The following CDKL5 variants were observed in gnomAD, a reference collection of about 807,000 sequenced individuals.
The protein encoded by CDKL5 is cyclin-dependent kinase-like 5.
CDKL5 carries 8 observed loss-of-function variants against 61.7 expected under a neutral mutation model. The ratio of observed to expected loss-of-function variants is 0.13; its 90% CI spans 0.08 to 0.23. The LOEUF is 0.23. Ranked by LOEUF, CDKL5 falls within the 10% of genes least tolerant of loss-of-function variation. CDKL5 has a pLI of 1.00. For synonymous variants in CDKL5, 275 were observed against 272.3 expected (o/e 1.01, Z -0.10); for missense variants, 440 against 734.5 (o/e 0.60, Z 4.63).
At chrX:18,648,182 C>T (rs1022451748) in intron 20 of CDKL5, among the ~76,000 whole-genome samples, 2 of 110,840 alleles carry the variant, frequency 1.8e-5, no homozygotes, top group Admixed American at 9.5e-5. Context: ...GGCACAGTGT[C>T]GAGTTACCTG....
At chrX:18,596,761 T>G in intron 10 of CDKL5, among the ~76,000 whole-genome samples, 1 of 112,041 alleles carries the variant, frequency 8.9e-6, no homozygotes, top group African/African-American at 3.2e-5. Context: ...TCATCTTTCT[T>G]TAGTTAAAAA....
chrX:18,599,041 A>G (rs1425062948), intron 11 of CDKL5, among the ~76,000 whole-genome samples: 1 of 112,483 alleles, frequency 8.9e-6, no homozygotes, highest in Non-Finnish European at 1.9e-5. Context: ...ACTGGACCAA[A>G]TAGGTCTGGC....
chrX:18,497,526 ATGCTT>A (rs1166286913), intron 1 of CDKL5: 2 of 112,100 alleles, frequency 1.8e-5, no homozygotes, highest in African/African-American at 6.5e-5. Flanking sequence ...TGATACTGCA[ATGCTT>A]TGTCTTTGAT....
At chrX:18,478,679 CTT>C (rs750617832) in intron 1 of CDKL5, among the ~76,000 whole-genome samples, 78 of 92,180 alleles carry the variant, frequency 8.5e-4, no homozygotes, top group African/African-American at 3.0e-3. Flanking sequence ...TTGTTGCTTT[CTT>C]TTTTTTTTTT....
intron 3 of CDKL5, among the ~76,000 whole-genome samples, chrX:18,551,193 C>A (rs1924371649): frequency 9.0e-6 from 1 of 110,919 alleles, no homozygotes; most frequent in African/African-American, 3.3e-5. Context: ...ATAATATGAA[C>A]ATAGGGTAGT....
At chrX:18,437,849 C>T (rs767606433) in intron 1 of CDKL5, among the ~76,000 whole-genome samples, 6 of 111,944 alleles carry the variant, frequency 5.4e-5, no homozygotes, top group Non-Finnish European at 1.1e-4. Flanking sequence ...CTTTGCCATA[C>T]TAAGTTTGTG....
rs1927008811 is a variant in CDKL5, at chrX:18,625,334, G to A, written c.2496+87G>A. ...GGGAGGGCATGCTAGAGAAAACTTAGCCTCTCAATGTTACAGTAAGGCTGA... is the reference window on the plus strand; with the variant it reads ...GGGAGGGCATGCTAGAGAAAACTTAACCTCTCAATGTTACAGTAAGGCTGA... On this transcript the variant is annotated intron_variant, in intron 17 of 17. Transcript: ENST00000623535. 9 of 1,024,085 alleles carry A rather than the reference G, an allele frequency of 8.8e-6. 1 individual carries two copies. In the East Asian group the frequency reaches 9.1e-5, roughly 10 times the overall value. 84.4% of individuals were successfully genotyped at this position (1,024,085 alleles called of 1,213,427 possible). A position where few individuals can be genotyped will look rare whatever the true frequency, so the allele number is the denominator to read the frequency against.
At chrX:18,518,652 C>T (rs549935620) in intron 3 of CDKL5, among the ~76,000 whole-genome samples, 2 of 109,311 alleles carry the variant, frequency 1.8e-5, no homozygotes, top group East Asian at 2.9e-4. Context: ...GATCCACCCT[C>T]GGCCTCCCAG....
intron 3 of CDKL5, among the ~76,000 whole-genome samples, chrX:18,523,553 G>C (rs1923329010): frequency 9.0e-6 from 1 of 111,393 alleles, no homozygotes; most frequent in Non-Finnish European, 1.9e-5. Flanking sequence ...TGTATACAAC[G>C]AACAAAATGT....
At chrX:18,588,491 A>G (rs1208785174) in intron 9 of CDKL5, 16 of 165,406 alleles carry the variant, frequency 9.7e-5, no homozygotes, top group Non-Finnish European at 2.2e-5. Context: ...TGAATGTTGA[A>G]CAAACATATT....
At chrX:18,526,791 T>C (rs892274092) in intron 3 of CDKL5, among the ~76,000 whole-genome samples, 9 of 110,229 alleles carry the variant, frequency 8.2e-5, no homozygotes, top group African/African-American at 3.0e-4. Context: ...TTCTTTCTTT[T>C]TTTTTTTTTG....
chrX:18,446,598 G>A (rs76836104), intron 1 of CDKL5, among the ~76,000 whole-genome samples: 2,531 of 111,684 alleles, frequency 0.023, 70 homozygotes, highest in East Asian at 0.18. Flanking sequence ...CTTTGGGACT[G>A]TAATCAATAT....
In CDKL5 at chrX:18,458,767, C is replaced by T. The variant is rs1602202996; in HGVS notation, c.-163+33072C>T. On this transcript the variant is annotated intron_variant, in intron 1 of 17. Coordinates refer to ENST00000623535, the MANE Select transcript of CDKL5 (RefSeq NM_001323289.2). ...ATAAAGGTTCAGTTCCTCAGTTGCA[C>T]TGGCCACAGTTCAGATACCCAATAG... Among the ~76,000 whole-genome samples, 4 of 112,380 alleles carry T rather than the reference C, an allele frequency of 3.6e-5. No homozygotes were observed. In the Admixed American group the frequency reaches 3.8e-4, roughly 11 times the overall value.
At position 18,634,355 on chromosome X, in the gene CDKL5, T is replaced by G. The variant is rs1927322526; in HGVS notation, c.*5598T>G. ...TTGTCCTAGTGCTCTGCTTCAGGTC[T>G]TATCAGAAGAAACCCAGGAATAGAA... On this transcript the variant is annotated 3_prime_UTR_variant, in exon 18 of 18. Transcript: ENST00000623535. 2.7e-6 allele frequency: 2 copies of G among 753,604 alleles called. No individual in the cohort carries two copies. The highest frequency in any genetic ancestry group is 3.1e-6 in the Non-Finnish European group (2 of 638,732). 62.1% of individuals were successfully genotyped at this position (753,604 alleles called of 1,213,427 possible). A position where few individuals can be genotyped will look rare whatever the true frequency, so the allele number is the denominator to read the frequency against.
In CDKL5 at chrX:18,628,829, G is replaced by A. The variant is rs1027984226; in HGVS notation, c.*72G>A. The A allele has an allele frequency of 9.2e-7, 1 of 1,081,186 alleles. No homozygotes were observed. Among genetic ancestry groups the A allele is most frequent in the Non-Finnish European group, 1.2e-6 (1 of 838,942 alleles). 89.1% of individuals were successfully genotyped at this position (1,081,186 alleles called of 1,213,427 possible). ...GGGTGGGAAAGGGTGGGCTGGGCTT[G>A]GGGCATGGGCCGGGCCAAGTGGTGA... is the stretch of plus-strand genomic sequence containing the variant. On this transcript the variant is annotated 3_prime_UTR_variant, in exon 18 of 18. Transcript: ENST00000623535.
chrX:18,425,718 G>T (rs1931345027), intron 1 of CDKL5, 23 bp downstream of exon 1: 1 of 111,858 alleles, frequency 8.9e-6, no homozygotes, highest in South Asian at 3.7e-4. Context: ...GCCGCCACCC[G>T]CCCGCCAAGC....
In CDKL5 at chrX:18,535,841, C is replaced by T. The variant is rs185620335; in HGVS notation, c.99+24987C>T. 4.0e-4 allele frequency: 45 copies of T among 112,772 alleles called. 4 individuals are homozygous for T. The highest frequency in any genetic ancestry group is 3.4e-3 in the East Asian group (12 of 3,561). 9.3% of individuals were successfully genotyped at this position (112,772 alleles called of 1,213,427 possible). ...CAGAGTCCCTCCAATGGCTCCATAT[C>T]AACTCTTCCTCTCTCCACCATGTCC... On this transcript the variant is annotated intron_variant, in intron 3 of 17. Transcript: ENST00000623535.
At chrX:18,473,990 T>A (rs934495297) in intron 1 of CDKL5, among the ~76,000 whole-genome samples, 20 of 107,919 alleles carry the variant, frequency 1.9e-4, no homozygotes, top group African/African-American at 6.1e-4. Context: ...TGCCTCAGCC[T>A]CCTGAGTAGC....
chrX:18,564,547 ATATC>A, intron 4 of CDKL5, 25 bp downstream of exon 4: 2 of 558,880 alleles, frequency 3.6e-6, no homozygotes, highest in Non-Finnish European at 5.0e-6. Flanking sequence ...ATATATATAT[ATATC>A]TGTATATATG....
Sources: gnomAD v4.1 joint callset for allele counts (sites outside exome capture counted in the v4.1 genomes callset) on GRCh38, gnomAD v4.1.1 for gene constraint, MANE v1.5 for transcripts, NCBI Gene and HGNC (gene_info 2026-07-23, HGNC 2026-07-21) for gene names.